The following GRIK3 variants were observed in gnomAD, a reference collection of about 807,000 sequenced individuals.
GRIK3 encodes the protein glutamate ionotropic receptor kainate type subunit 3.
A neutral mutation model predicts 102.5 loss-of-function variants in GRIK3; 29 were observed. The observed-to-expected ratio is 0.28, with a 90% CI of 0.21 to 0.39. The LOEUF (loss-of-function observed/expected upper bound fraction) is 0.39, where lower values mean the gene tolerates loss of function less well. Among genes scored for constraint, GRIK3 ranks in the 10% least tolerant of loss-of-function variants. The pLI is 1.00. For synonymous variants in GRIK3, 511 were observed against 504.9 expected (o/e 1.01, Z -0.16); for missense variants, 908 against 1,252.4 (o/e 0.73, Z 4.15).
Position 36,904,763 on chromosome 1 carries a change from A to G in GRIK3, c.116-13667T>C, listed in dbSNP as rs112817009. 6.3e-3 allele frequency among the ~76,000 whole-genome samples: 955 copies of G among 152,322 alleles called. 10 individuals carry two copies. Among genetic ancestry groups the G allele is most frequent in the African/African-American group, 0.022 (908 of 41,568 alleles). On this transcript the variant is annotated intron_variant, in intron 1 of 15. Transcript: ENST00000373091. ...GAAGAATTTTACTCACATGATGCAA[A>G]GTGGGTACAGATGGGGCAGAAGAGG... is the stretch of plus-strand genomic sequence containing the variant.
At chr1:36,809,628 C>T (rs1254675646) in intron 13 of GRIK3, among the ~76,000 whole-genome samples, 2 of 152,226 alleles carry the variant, frequency 1.3e-5, no homozygotes, top group Non-Finnish European at 2.9e-5. Context: ...TCCCCACACC[C>T]CAACACTTTA....
At chr1:36,932,436 C>T (rs191623229) in intron 1 of GRIK3, among the ~76,000 whole-genome samples, 32 of 152,242 alleles carry the variant, frequency 2.1e-4, no homozygotes, top group Admixed American at 3.9e-4. Flanking sequence ...GTAGGAAACA[C>T]CGAGCACTTC....
At chr1:36,958,637 A>AGT in intron 1 of GRIK3, among the ~76,000 whole-genome samples, 1 of 81,152 alleles carries the variant, frequency 1.2e-5, no homozygotes, top group African/African-American at 4.6e-5. Context: ...GTGCCCTGTG[A>AGT]CTGTGTGCCC....
intron 1 of GRIK3, among the ~76,000 whole-genome samples, chr1:36,910,362 C>G (rs1570793742): frequency 6.6e-6 from 1 of 152,364 alleles, no homozygotes; most frequent in Non-Finnish European, 1.5e-5. Flanking sequence ...TTGTTGCTAA[C>G]AGCCTCTTCT....
intron 3 of GRIK3, among the ~76,000 whole-genome samples, chr1:36,877,874 A>G (rs2124259898): frequency 6.6e-6 from 1 of 152,310 alleles, no homozygotes; most frequent in Non-Finnish European, 1.5e-5. Context: ...GACTAAATGT[A>G]TATGCCATTT....
intron 1 of GRIK3, among the ~76,000 whole-genome samples, chr1:36,958,394 T>C (rs1305640728): frequency 8.1e-5 from 5 of 61,748 alleles, no homozygotes; most frequent in South Asian, 5.8e-4. Flanking sequence ...ATCTGCGCCC[T>C]GTGAGCCTGT....
chr1:37,020,624 T>G (rs748331906), intron 1 of GRIK3, among the ~76,000 whole-genome samples: 2 of 152,116 alleles, frequency 1.3e-5, no homozygotes, highest in Non-Finnish European at 2.9e-5. Flanking sequence ...AATGAACAAT[T>G]TATGTGGAAA....
At chr1:36,988,018 T>A (rs1381669343) in intron 1 of GRIK3, among the ~76,000 whole-genome samples, 1 of 152,070 alleles carries the variant, frequency 6.6e-6, no homozygotes, top group Non-Finnish European at 1.5e-5. Flanking sequence ...AGGCCGAGTA[T>A]GGTGGCTCAT....
At chr1:36,915,963 A>C (rs911827912) in intron 1 of GRIK3, among the ~76,000 whole-genome samples, 1 of 152,182 alleles carries the variant, frequency 6.6e-6, no homozygotes, top group African/African-American at 2.4e-5. Flanking sequence ...CAGAGGTTGG[A>C]AAAATTTGGA....
intron 7 of GRIK3, among the ~76,000 whole-genome samples, chr1:36,854,732 G>A (rs967166811): frequency 2.0e-5 from 3 of 152,178 alleles, no homozygotes; most frequent in African/African-American, 7.2e-5. Context: ...TTGCTAACTT[G>A]ATTCTAGATA....
intron 1 of GRIK3, among the ~76,000 whole-genome samples, chr1:36,983,697 T>C (rs1642274004): frequency 6.6e-6 from 1 of 152,062 alleles, no homozygotes; most frequent in African/African-American, 2.4e-5. Flanking sequence ...GGGGAAACCT[T>C]CAAAACAGGC....
chr1:36,937,301 C>T (rs1244140285), intron 1 of GRIK3, among the ~76,000 whole-genome samples: 1 of 152,104 alleles, frequency 6.6e-6, no homozygotes, highest in Non-Finnish European at 1.5e-5. Flanking sequence ...GAATCAGCTT[C>T]CTAGATGGCT....
intron 3 of GRIK3, among the ~76,000 whole-genome samples, chr1:36,878,438 G>T (rs1254338689): frequency 2.6e-5 from 4 of 152,224 alleles, no homozygotes; most frequent in Admixed American, 2.6e-4. Flanking sequence ...TGTCTTTTCT[G>T]AGGGAGTCTC....
intron 1 of GRIK3, among the ~76,000 whole-genome samples, chr1:36,986,477 T>G (rs1301536220): frequency 3.5e-5 from 5 of 144,448 alleles, no homozygotes; most frequent in South Asian, 2.2e-4. Flanking sequence ...CATCCATCCA[T>G]CCATCCATCC....
chr1:36,939,715 A>T (rs1424765704), intron 1 of GRIK3, among the ~76,000 whole-genome samples: 2 of 152,144 alleles, frequency 1.3e-5, no homozygotes, highest in Non-Finnish European at 2.9e-5. Context: ...TCCAAACACC[A>T]CTCCAAACCT....
At chr1:36,879,710 T>TCA (rs1640944935) in intron 3 of GRIK3, among the ~76,000 whole-genome samples, 1 of 151,988 alleles carries the variant, frequency 6.6e-6, no homozygotes, top group Admixed American at 6.6e-5. Flanking sequence ...GTGGGTCAGG[T>TCA]GGGTCCTACC....
intron 1 of GRIK3, among the ~76,000 whole-genome samples, chr1:37,000,551 A>G (rs1642466959): frequency 6.6e-6 from 1 of 152,236 alleles, no homozygotes; most frequent in Non-Finnish European, 1.5e-5. Flanking sequence ...GCCACTTGCC[A>G]GGCACCAGGC....
chr1:36,845,483 C>A (rs1333659840), intron 9 of GRIK3, among the ~76,000 whole-genome samples: 1 of 152,230 alleles, frequency 6.6e-6, no homozygotes, highest in Admixed American at 6.5e-5. Flanking sequence ...CTAAGCCTCT[C>A]CCAGTGTGAC....
chr1:36,919,937 A>C (rs797014371), intron 1 of GRIK3, among the ~76,000 whole-genome samples: 4 of 152,356 alleles, frequency 2.6e-5, no homozygotes, highest in African/African-American at 9.6e-5. Context: ...CCCTGCCATC[A>C]GCAGATGCAT....
Sources: gnomAD v4.1 joint callset for allele counts (sites outside exome capture counted in the v4.1 genomes callset) on GRCh38, gnomAD v4.1.1 for gene constraint, MANE v1.5 for transcripts, NCBI Gene and HGNC (gene_info 2026-07-23, HGNC 2026-07-21) for gene names.